GUCY2C: variants seen among roughly 807,000 people sequenced by gnomAD.
The protein encoded by GUCY2C is guanylyl cyclase C.
In GUCY2C, 118 loss-of-function variants were observed where a neutral mutation model predicts 131.1. That is an observed-to-expected ratio of 0.90 (90% CI 0.78 to 1.05). GUCY2C has a LOEUF of 1.05. Ranked by LOEUF, GUCY2C falls within the 50% of genes least tolerant of loss-of-function variation. The probability of loss-of-function intolerance (pLI) is 0.00; values close to 1 mark genes in which losing one functional copy is unlikely to be tolerated. For missense variants in GUCY2C, 1,161 were observed against 1,304.4 expected (o/e 0.89, Z 1.69); for synonymous variants, 452 against 457.8 (o/e 0.99, Z 0.16).
At chr12:14,677,318 A>G (rs1180713597) in intron 6 of GUCY2C, among the ~76,000 whole-genome samples, 1 of 152,174 alleles carries the variant, frequency 6.6e-6, no homozygotes, top group Non-Finnish European at 1.5e-5. Context: ...TGCTTTTAAC[A>G]ATTTAGAGAT....
intron 21 of GUCY2C, 111 bp from the exon 22 acceptor site, chr12:14,622,308 A>T: frequency 1.6e-6 from 1 of 640,406 alleles, no homozygotes; most frequent in Non-Finnish European, 2.5e-6. Flanking sequence ...AGAATTTGAG[A>T]CTTCCAGTGA....
chr12:14,696,192 A>T (rs766300237), intron 1 of GUCY2C, 40 bp downstream of exon 1: 2 of 1,461,370 alleles, frequency 1.4e-6, no homozygotes, highest in East Asian at 4.5e-5. Flanking sequence ...CCCCAGAGGT[A>T]GTAACAGAGT....
intron 6 of GUCY2C, among the ~76,000 whole-genome samples, chr12:14,679,281 G>A (rs191392914): frequency 6.6e-6 from 1 of 152,230 alleles, no homozygotes; most frequent in East Asian, 1.9e-4. Context: ...GCCCAGGCTA[G>A]TCTGAAACTC....
chr12:14,696,046 G>A (rs557403064), intron 1 of GUCY2C, among the ~76,000 whole-genome samples, 186 bp downstream of exon 1: 1 of 152,282 alleles, frequency 6.6e-6, no homozygotes, highest in East Asian at 1.9e-4. Flanking sequence ...TGAAGTGTGA[G>A]TGAGCACAGC....
rs1208148806 is a variant in GUCY2C, at chr12:14,616,706, C to A, written c.2897G>T (p.Gly966Val). 1.2e-6 allele frequency: 2 copies of A among 1,605,390 alleles called. No individual in the cohort carries two copies. The highest frequency in any genetic ancestry group is 1.7e-6 in the Non-Finnish European group (2 of 1,172,292). The change falls in exon 25 of 27, where the codon GGC becomes GTC. Residue 966 changes from glycine (G) to valine (V), a missense_variant. Coordinates refer to ENST00000261170, the MANE Select transcript of GUCY2C (RefSeq NM_004963.4). The part of the protein sequence containing the change: ...TGLPLRIHVS[G>V]STIAILKRTE... ...TCTCTTCAGGATGGCTATGGTGGAG[C>A]CACTCACGTGAATTCTCAAAGCTGG... is the stretch of plus-strand genomic sequence containing the variant.
intron 18 of GUCY2C, among the ~76,000 whole-genome samples, chr12:14,640,839 A>T (rs574455408): frequency 6.6e-6 from 1 of 152,360 alleles, no homozygotes; most frequent in South Asian, 2.1e-4. Context: ...TTGTAAACGA[A>T]GATTGTTAAC....
chr12:14,624,563 A>C (rs1010488024), intron 21 of GUCY2C, among the ~76,000 whole-genome samples: 1 of 152,266 alleles, frequency 6.6e-6, no homozygotes. Context: ...TGGTTCCTAC[A>C]TGCAATCTTA....
At chr12:14,629,079 C>T (rs972753617) in intron 19 of GUCY2C, among the ~76,000 whole-genome samples, 1 of 152,052 alleles carries the variant, frequency 6.6e-6, no homozygotes. Context: ...TCCATAACAA[C>T]CGTTTTAGTA....
At chr12:14,680,037 G>C (rs952497806) in intron 5 of GUCY2C, among the ~76,000 whole-genome samples, 3 of 152,030 alleles carry the variant, frequency 2.0e-5, no homozygotes, top group Non-Finnish European at 4.4e-5. Flanking sequence ...CAAAGAACTA[G>C]TAGATGACAA....
chr12:14,671,516 G>A (rs1301718988), intron 9 of GUCY2C, among the ~76,000 whole-genome samples: 1 of 151,996 alleles, frequency 6.6e-6, no homozygotes, highest in Non-Finnish European at 1.5e-5. Flanking sequence ...TCTCTGTTGA[G>A]ACCTATCCTG....
chr12:14,679,213 C>G (rs1163050896), intron 6 of GUCY2C, among the ~76,000 whole-genome samples: 1 of 152,092 alleles, frequency 6.6e-6, no homozygotes, highest in Non-Finnish European at 1.5e-5. Flanking sequence ...AGATCAGGAT[C>G]GTATGTTTTT....
In GUCY2C at chr12:14,682,031, T is replaced by C. The variant is rs1246392163; in HGVS notation, c.612-554A>G. Among the ~76,000 whole-genome samples, 3 of 152,206 alleles carry C rather than the reference T, an allele frequency of 2.0e-5. No individual in the cohort carries two copies. In the South Asian group the frequency reaches 6.2e-4, roughly 32 times the overall value. On this transcript the variant is annotated intron_variant, in intron 4 of 26. Transcript: ENST00000261170. ...CGTGCATCCCTGGTGGTATCCCATC[T>C]TAGTCTTTTGCTTACTTAGATGGAG...
Position 14,639,899 on chromosome 12 carries a change from T to C in GUCY2C, c.2120A>G (p.Asp707Gly). 1 of 1,611,654 alleles carries C rather than the reference T, an allele frequency of 6.2e-7. No homozygotes were observed. The highest frequency in any genetic ancestry group is 1.1e-5 in the South Asian group (1 of 91,022). ...NSNGMKPFRP[D>G]LFLETAEEKE... ...TTCCTCTGCTGTTTCCAAGAATAAA[T>C]CTGGGCGGAAGGGTTTCATTCCATT... Residue 707 changes from aspartate to glycine, a missense_variant, in exon 19 of 27, where the codon GAT (aspartate) becomes GGT (glycine). Coordinates refer to ENST00000261170, the MANE Select transcript of GUCY2C (RefSeq NM_004963.4).
chr12:14,676,972 C>A lies in GUCY2C; in HGVS notation c.831-1G>T. 1 of 1,201,282 alleles carries A rather than the reference C, an allele frequency of 8.3e-7. No homozygotes were observed. Among genetic ancestry groups the A allele is most frequent in the Non-Finnish European group, 1.2e-6 (1 of 847,888 alleles). 74.4% of individuals were successfully genotyped at this position (1,201,282 alleles called of 1,614,324 possible). ...GACATTGTCCTCAAAGTACTGGTCA[C>A]TGTAATAAAAAGCACAGGTTCCTCA... On this transcript the variant is annotated splice_acceptor_variant, in intron 6 of 26. Transcript: ENST00000261170. LOFTEE classifies it high-confidence loss of function.
At chr12:14,695,157 T>C (rs1948634152) in intron 1 of GUCY2C, among the ~76,000 whole-genome samples, 1 of 152,164 alleles carries the variant, frequency 6.6e-6, no homozygotes, top group East Asian at 1.9e-4. Flanking sequence ...TCCAAAACTG[T>C]TTCTATGCCA....
In GUCY2C at chr12:14,696,231, C is replaced by A. The variant is rs992870090; in HGVS notation, c.217+1G>T. On this transcript the variant is annotated splice_donor_variant, in intron 1 of 26. Transcript: ENST00000261170. LOFTEE classifies it high-confidence loss of function. ...GGAAGATTCTATTAACATTTTCTTACCAGCATTTTGCAGACGTCCTCTCAC... is the reference window on the plus strand; with the variant it reads ...GGAAGATTCTATTAACATTTTCTTAACAGCATTTTGCAGACGTCCTCTCAC... 6.2e-7 allele frequency: 1 copy of A among 1,610,200 alleles called. No individual in the cohort carries two copies. Among genetic ancestry groups the A allele is most frequent in the African/African-American group, 1.3e-5 (1 of 74,864 alleles).
chr12:14,631,678 C>A (rs1157133818), intron 19 of GUCY2C, among the ~76,000 whole-genome samples: 2 of 146,026 alleles, frequency 1.4e-5, no homozygotes, highest in Non-Finnish European at 3.0e-5. Context: ...GTGAATAGTG[C>A]CGCAATAAAC....
At chr12:14,687,032 T>C (rs1187608338) in intron 2 of GUCY2C, among the ~76,000 whole-genome samples, 2 of 152,178 alleles carry the variant, frequency 1.3e-5, no homozygotes, top group East Asian at 3.9e-4. Context: ...TAGAGAGCTT[T>C]TAACCCTCTT....
Position 14,652,040 on chromosome 12 carries a change from T to G in GUCY2C, c.1534-10A>C. Reference sequence around the variant, plus strand: ...CTTTGAGAATCACTCGCTGCAAAAATCAATGAAATTTAGGAGACAGTGTTG... The same window carrying G: ...CTTTGAGAATCACTCGCTGCAAAAAGCAATGAAATTTAGGAGACAGTGTTG... On this transcript the variant is annotated splice_polypyrimidine_tract_variant and intron_variant, in intron 13 of 26. Coordinates refer to ENST00000261170, the MANE Select transcript of GUCY2C (RefSeq NM_004963.4). 1 of 1,556,384 alleles carries G rather than the reference T, an allele frequency of 6.4e-7. No individual in the cohort carries two copies.
Sources: allele counts gnomAD v4.1 joint callset (sites outside exome capture counted in the v4.1 genomes callset), GRCh38; gene constraint gnomAD v4.1.1; transcripts MANE v1.5; gene names NCBI Gene and HGNC (gene_info 2026-07-23, HGNC 2026-07-21).